Variants in SQOR observed in about 807,000 individuals in gnomAD.
SQOR encodes the protein sulfide:quinone oxidoreductase, mitochondrial.
Under a neutral mutation model 48.6 loss-of-function variants are expected in SQOR, and 39 were observed. The observed-to-expected ratio is 0.80, with a 90% CI of 0.62 to 1.05. SQOR has a LOEUF of 1.05. Among genes scored for constraint, SQOR ranks in the 50% least tolerant of loss-of-function variants. The probability of loss-of-function intolerance (pLI) is 0.00; values close to 1 mark genes in which losing one functional copy is unlikely to be tolerated. For missense variants in SQOR, 561 were observed against 559.9 expected, an observed-to-expected ratio of 1.00 and a Z score of -0.02; for synonymous variants, 220 against 206.2, an observed-to-expected ratio of 1.07 and a Z score of -0.57.
At position 45,691,065 on chromosome 15, in the gene SQOR, C is replaced by G; in HGVS notation, c.*35C>G. ...AGCACTTGCTCATCTTGGATGGCTTCTGGGCCAAAACTGCAGTCACTGAAT... is the reference window on the plus strand; with the variant it reads ...AGCACTTGCTCATCTTGGATGGCTTGTGGGCCAAAACTGCAGTCACTGAAT... On this transcript the variant is annotated 3_prime_UTR_variant, in exon 10 of 10. Coordinates refer to ENST00000260324, the MANE Select transcript of SQOR (RefSeq NM_021199.4). 1.3e-6 allele frequency: 2 copies of G among 1,597,736 alleles called. No individual in the cohort carries two copies. The highest frequency in any genetic ancestry group is 2.2e-5 in the South Asian group (2 of 90,716).
intron 1 of SQOR, among the ~76,000 whole-genome samples, chr15:45,646,235 C>A (rs1366384654): frequency 6.6e-6 from 1 of 152,216 alleles, no homozygotes; most frequent in Non-Finnish European, 1.5e-5. Flanking sequence ...CCTATCGCAG[C>A]AGAGAGGCCA....
chr15:45,668,755 C>G (rs890208766), intron 3 of SQOR, among the ~76,000 whole-genome samples: 1 of 152,190 alleles, frequency 6.6e-6, no homozygotes, highest in Non-Finnish European at 1.5e-5. Context: ...TAATCACCAC[C>G]TGTTTCTTCT....
At chr15:45,690,446 A>C (rs191132321) in intron 9 of SQOR, among the ~76,000 whole-genome samples, 6 of 152,322 alleles carry the variant, frequency 3.9e-5, no homozygotes, top group African/African-American at 1.4e-4. Context: ...TGTCTACATC[A>C]GTGGTCCTGA....
At chr15:45,659,548 T>C (rs906958111) in intron 2 of SQOR, among the ~76,000 whole-genome samples, 1 of 152,158 alleles carries the variant, frequency 6.6e-6, no homozygotes, top group Non-Finnish European at 1.5e-5. Flanking sequence ...GGCAGGTGGC[T>C]TTGTCTCATG....
At chr15:45,656,777 A>G (rs1248796851) in intron 1 of SQOR, among the ~76,000 whole-genome samples, 1 of 151,930 alleles carries the variant, frequency 6.6e-6, no homozygotes, top group African/African-American at 2.4e-5. Context: ...TTGTATCCTG[A>G]TCATGATGTA....
chr15:45,685,484 C>G lies in SQOR; in HGVS notation c.1048+2823C>G, dbSNP rs141048634. Among the ~76,000 whole-genome samples, 93 of 152,288 alleles carry G rather than the reference C, an allele frequency of 6.1e-4. 1 individual carries two copies. The East Asian group carries it at 0.016, about 26-fold the overall frequency. On this transcript the variant is annotated intron_variant, in intron 7 of 9. Transcript: ENST00000260324. ...GCTCCTTTAATTACTCCCAGCACAG[C>G]TAAGATCAGGATGTGGCATTTAACA...
intron 9 of SQOR, 95 bp downstream of exon 9, chr15:45,689,312 G>A: frequency 1.6e-6 from 2 of 1,251,060 alleles, no homozygotes; most frequent in Non-Finnish European, 2.2e-6. Flanking sequence ...TATTAGCAGT[G>A]ACCAAGTGTT....
At chr15:45,657,688 C>T (rs662592) in intron 1 of SQOR, among the ~76,000 whole-genome samples, 39,417 of 152,094 alleles carry the variant, frequency 0.26, 5,457 homozygotes, top group East Asian at 0.53. Context: ...CTTTTTGTAG[C>T]TCCTCTGCCC....
intron 3 of SQOR, among the ~76,000 whole-genome samples, chr15:45,667,971 G>A (rs1889869516): frequency 8.3e-6 from 1 of 120,936 alleles, no homozygotes; most frequent in Admixed American, 1.0e-4. Flanking sequence ...TTGAGATAGA[G>A]TCTCTCACTG....
chr15:45,652,499 G>T (rs747937847), intron 1 of SQOR, among the ~76,000 whole-genome samples: 1 of 152,012 alleles, frequency 6.6e-6, no homozygotes, highest in Non-Finnish European at 1.5e-5. Context: ...CACGCCGGCA[G>T]GTCCGGCTAC....
chr15:45,639,289 C>T (rs139331349), intron 1 of SQOR, among the ~76,000 whole-genome samples: 11 of 152,344 alleles, frequency 7.2e-5, no homozygotes, highest in Admixed American at 6.5e-4. Context: ...AAAACTTGGC[C>T]TCTTCAGCAA....
chr15:45,667,945 T>C lies in SQOR; in HGVS notation c.406-1983T>C, dbSNP rs56327601. Reference sequence around the variant, plus strand: ...TCTTTATTTCTTTCTTTCTTTCTTTTTTTTTTTTTTTTTTTTTGAGATAGA... The same window carrying C: ...TCTTTATTTCTTTCTTTCTTTCTTTCTTTTTTTTTTTTTTTTTGAGATAGA... On this transcript the variant is annotated intron_variant, in intron 3 of 9. Coordinates refer to ENST00000260324, the MANE Select transcript of SQOR (RefSeq NM_021199.4). Among the ~76,000 whole-genome samples, 532 of 94,080 alleles carry C rather than the reference T, an allele frequency of 5.7e-3. 2 individuals carry two copies. Among genetic ancestry groups the C allele is most frequent in the Admixed American group, 1.0e-2 (96 of 9,606 alleles). 61.7% of individuals were successfully genotyped at this position (94,080 alleles called of 152,430 possible). A position where few individuals can be genotyped will look rare whatever the true frequency, so the allele number is the denominator to read the frequency against.
Position 45,680,335 on chromosome 15 carries a change from C to T in SQOR, c.865-2143C>T, listed in dbSNP as rs28533169. Among the ~76,000 whole-genome samples, 15 of 152,310 alleles carry T rather than the reference C, an allele frequency of 9.8e-5. No homozygotes were observed. The South Asian group carries it at 1.9e-3, about 19-fold the overall frequency. On this transcript the variant is annotated intron_variant, in intron 6 of 9. Coordinates refer to ENST00000260324, the MANE Select transcript of SQOR (RefSeq NM_021199.4). The stretch of plus-strand genomic sequence containing the variant: ...CCTCAAACTCCTGGGCTCAAGTGAT[C>T]TGCCCACCTTGGCCTCCCAAAGTGT...
intron 7 of SQOR, among the ~76,000 whole-genome samples, chr15:45,687,768 GGAAA>G (rs1566924688): frequency 6.6e-6 from 1 of 152,090 alleles, no homozygotes; most frequent in East Asian, 1.9e-4. Context: ...TGTCTATCTA[GGAAA>G]GAGACAGAGA....
chr15:45,652,638 CTTTTTTTTTTTTTT>C (rs757986564), intron 1 of SQOR, among the ~76,000 whole-genome samples: 2 of 60,302 alleles, frequency 3.3e-5, no homozygotes, highest in Admixed American at 2.3e-4. Flanking sequence ...CGTGAGCCTC[CTTTTTTTTTTTTTT>C]TTTTTTTTTT....
At position 45,644,620 on chromosome 15, in the gene SQOR, A is replaced by G. The variant is rs562591862; in HGVS notation, c.-18+9512A>G. Among the ~76,000 whole-genome samples, 133 of 152,362 alleles carry G rather than the reference A, an allele frequency of 8.7e-4. 3 individuals carry two copies. The highest frequency in any genetic ancestry group is 1.1e-3 in the Non-Finnish European group (76 of 68,036). Reference sequence around the variant, plus strand: ...TCACAGTTCCCTAGAAACAGGAGGCATAACACCTCACATGGGGCCATATGG... The same window carrying G: ...TCACAGTTCCCTAGAAACAGGAGGCGTAACACCTCACATGGGGCCATATGG... On this transcript the variant is annotated intron_variant, in intron 1 of 9. Coordinates refer to ENST00000260324, the MANE Select transcript of SQOR (RefSeq NM_021199.4).
intron 7 of SQOR, among the ~76,000 whole-genome samples, chr15:45,684,783 A>G (rs1343339618): frequency 6.6e-6 from 1 of 152,162 alleles, no homozygotes; most frequent in African/African-American, 2.4e-5. Context: ...TCAAACAAAT[A>G]TTTAATTCGA....
At chr15:45,639,471 C>A (rs1228236504) in intron 1 of SQOR, among the ~76,000 whole-genome samples, 1 of 152,220 alleles carries the variant, frequency 6.6e-6, no homozygotes, top group Non-Finnish European at 1.5e-5. Flanking sequence ...ACTTTCATGC[C>A]ACCTAGCTGG....
intron 7 of SQOR, among the ~76,000 whole-genome samples, chr15:45,687,804 A>ATATATCTGTATC (rs1424072377): frequency 6.6e-6 from 1 of 152,180 alleles, no homozygotes; most frequent in African/African-American, 2.4e-5. Flanking sequence ...AGGTAGATCT[A>ATATATCTGTATC]TATATCTGTA....
Sources: gnomAD v4.1 joint callset for allele counts (sites outside exome capture counted in the v4.1 genomes callset) on GRCh38, gnomAD v4.1.1 for gene constraint, MANE v1.5 for transcripts, NCBI Gene and HGNC (gene_info 2026-07-23, HGNC 2026-07-21) for gene names.